Variants in COMMD10 observed in about 807,000 individuals in gnomAD.
COMMD10 encodes COMM domain-containing protein 10.
In COMMD10, 33 loss-of-function variants were observed where a neutral mutation model predicts 28.9. The ratio of observed to expected loss-of-function variants is 1.14; its 90% CI spans 0.87 to 1.53. COMMD10 has a LOEUF of 1.53. Ranked by LOEUF, COMMD10 falls within the 40% of genes most tolerant of loss-of-function variation. The pLI, the probability that COMMD10 is intolerant of heterozygous loss-of-function variation, is 0.00. For synonymous variants in COMMD10, 110 were observed against 81.7 expected, an observed-to-expected ratio of 1.35 and a Z score of -1.87; for missense variants, 310 against 233.4, an observed-to-expected ratio of 1.33 and a Z score of -2.14.
At chr5:116,255,595 AT>A (rs1750260369) in intron 5 of COMMD10, 1 of 151,486 alleles carries the variant, frequency 6.6e-6, no homozygotes, top group African/African-American at 2.4e-5. Flanking sequence ...CTCTGAAGAC[AT>A]TTGCTAATAT....
chr5:116,098,938 A>G lies in COMMD10; in HGVS notation c.399+6238A>G, dbSNP rs900060979. 3.9e-5 allele frequency among the ~76,000 whole-genome samples: 6 copies of G among 152,314 alleles called. No individual in the cohort carries two copies. The East Asian group carries it at 7.7e-4, about 20-fold the overall frequency. ...AATCAAATTAATCAACATATCTGTC[A>G]CCACACAGTTACCACCTTTTATGTG... is the stretch of plus-strand genomic sequence containing the variant. On this transcript the variant is annotated intron_variant, in intron 4 of 6. Coordinates refer to ENST00000274458, the MANE Select transcript of COMMD10 (RefSeq NM_016144.4).
At chr5:116,242,922 C>A (rs1309723544) in intron 5 of COMMD10, among the ~76,000 whole-genome samples, 1 of 152,062 alleles carries the variant, frequency 6.6e-6, no homozygotes, top group East Asian at 1.9e-4. Context: ...CAGATAAAAT[C>A]TTGATTTAGT....
intron 5 of COMMD10, among the ~76,000 whole-genome samples, chr5:116,175,353 C>T (rs1753469564): frequency 6.6e-6 from 1 of 151,890 alleles, no homozygotes; most frequent in Non-Finnish European, 1.5e-5. Flanking sequence ...AGTAGATGTC[C>T]TTATGTCACA....
At chr5:116,272,561 G>A (rs1362352526) in intron 5 of COMMD10, among the ~76,000 whole-genome samples, 2 of 151,964 alleles carry the variant, frequency 1.3e-5, no homozygotes, top group African/African-American at 4.8e-5. Context: ...CTTTGCTCGT[G>A]ACTGGACCAC....
At chr5:116,269,114 A>T (rs1449062652) in intron 5 of COMMD10, among the ~76,000 whole-genome samples, 1 of 151,906 alleles carries the variant, frequency 6.6e-6, no homozygotes, top group Admixed American at 6.6e-5. Flanking sequence ...ATTTAAAAAG[A>T]TAAAAATGCT....
chr5:116,218,300 G>A, intron 5 of COMMD10: 1 of 713,524 alleles, frequency 1.4e-6, no homozygotes, highest in Non-Finnish European at 2.6e-6. Flanking sequence ...GGGCATGGTG[G>A]TGGCAGTGAT....
At chr5:116,197,314 T>G (rs1428777339) in intron 5 of COMMD10, among the ~76,000 whole-genome samples, 1 of 152,182 alleles carries the variant, frequency 6.6e-6, no homozygotes, top group Admixed American at 6.6e-5. Flanking sequence ...TATTAATATT[T>G]TACGCAAACA....
intron 5 of COMMD10, among the ~76,000 whole-genome samples, chr5:116,154,137 T>C (rs954142637): frequency 1.3e-5 from 2 of 152,010 alleles, no homozygotes; most frequent in Admixed American, 6.6e-5. Context: ...GCGTTATTAC[T>C]TAACTGCTTT....
intron 5 of COMMD10, among the ~76,000 whole-genome samples, chr5:116,245,672 A>C (rs188739141): frequency 3.0e-4 from 45 of 152,290 alleles, no homozygotes; most frequent in African/African-American, 1.0e-3. Flanking sequence ...CCTGGGCTGC[A>C]AGGTCGGTTC....
chr5:116,171,508 A>G (rs1039639892), intron 5 of COMMD10, among the ~76,000 whole-genome samples: 6 of 152,120 alleles, frequency 3.9e-5, no homozygotes, highest in South Asian at 2.1e-4. Flanking sequence ...AAATCATTCT[A>G]CTATAAAGAC....
At chr5:116,254,319 T>A (rs534694815) in intron 5 of COMMD10, among the ~76,000 whole-genome samples, 19 of 152,316 alleles carry the variant, frequency 1.2e-4, no homozygotes, top group African/African-American at 4.1e-4. Flanking sequence ...CTGATCTTAG[T>A]TATTTCTTGC....
intron 5 of COMMD10, among the ~76,000 whole-genome samples, chr5:116,200,430 T>G (rs895857057): frequency 2.0e-5 from 3 of 152,112 alleles, no homozygotes; most frequent in Non-Finnish European, 4.4e-5. Flanking sequence ...TCTCTTTTGG[T>G]GCTCTGTGAG....
intron 5 of COMMD10, among the ~76,000 whole-genome samples, chr5:116,244,887 C>A (rs1258611644): frequency 6.6e-6 from 1 of 151,570 alleles, no homozygotes; most frequent in African/African-American, 2.4e-5. Context: ...AGAAAGATCT[C>A]AAGTTAACTT....
intron 5 of COMMD10, among the ~76,000 whole-genome samples, chr5:116,211,117 A>G (rs1748952687): frequency 6.6e-6 from 1 of 152,086 alleles, no homozygotes; most frequent in Admixed American, 6.6e-5. Context: ...AATTCAACCA[A>G]TAAGGGATGG....
At chr5:116,218,201 G>A (rs757839325) in intron 5 of COMMD10, 22 of 775,670 alleles carry the variant, frequency 2.8e-5, no homozygotes, top group Non-Finnish European at 4.5e-5. Flanking sequence ...TGGAGAAGCA[G>A]GTTTAGCGGA....
chr5:116,269,932 A>G (rs1410236654), intron 5 of COMMD10, among the ~76,000 whole-genome samples: 1 of 151,804 alleles, frequency 6.6e-6, no homozygotes, highest in Non-Finnish European at 1.5e-5. Flanking sequence ...AACCAGGTTA[A>G]TTTCACCTCT....
chr5:116,255,540 A>T (rs1430342037), intron 5 of COMMD10, among the ~76,000 whole-genome samples: 1 of 151,398 alleles, frequency 6.6e-6, no homozygotes, highest in Non-Finnish European at 1.5e-5. Context: ...CTCTATTTTC[A>T]AGAGAAGTAG....
chr5:116,143,350 T>TAGAG (rs1485729278), intron 5 of COMMD10, among the ~76,000 whole-genome samples: 1 of 151,718 alleles, frequency 6.6e-6, no homozygotes, highest in Non-Finnish European at 1.5e-5. Flanking sequence ...AATACACCAT[T>TAGAG]AGAGGTTAGT....
chr5:116,108,156 A>G (rs995757721), intron 4 of COMMD10, among the ~76,000 whole-genome samples: 1 of 152,250 alleles, frequency 6.6e-6, no homozygotes, highest in African/African-American at 2.4e-5. Context: ...GGGGTCAGGG[A>G]CCCACTTGAG....
Sources: gnomAD v4.1 joint callset for allele counts (sites outside exome capture counted in the v4.1 genomes callset) on GRCh38, gnomAD v4.1.1 for gene constraint, MANE v1.5 for transcripts, NCBI Gene and HGNC (gene_info 2026-07-23, HGNC 2026-07-21) for gene names.